ZFPM1: variants seen among roughly 807,000 people sequenced by gnomAD.
ZFPM1 encodes zinc finger protein ZFPM1.
In ZFPM1, 28 loss-of-function variants were observed where a neutral mutation model predicts 46.3. The ratio of observed to expected loss-of-function variants is 0.60; its 90% confidence interval spans 0.45 to 0.83. The LOEUF is 0.83. Ranked by LOEUF, ZFPM1 falls within the 40% of genes least tolerant of loss-of-function variation. ZFPM1 has a pLI of 0.00. For missense variants in ZFPM1, 1,878 were observed against 1,432.4 expected (o/e 1.31, Z -5.02); for synonymous variants, 957 against 675.9 (o/e 1.42, Z -6.45).
chr16:88,513,433 G>A (rs1334489098), intron 3 of ZFPM1: 1 of 152,308 alleles, frequency 6.6e-6, no homozygotes, highest in Non-Finnish European at 1.5e-5. Flanking sequence ...GCCCAATCGG[G>A]GCTCCAGGAA....
chr16:88,518,807 G>C (rs1045532095), intron 4 of ZFPM1, among the ~76,000 whole-genome samples: 4 of 149,710 alleles, frequency 2.7e-5, no homozygotes, highest in Non-Finnish European at 5.9e-5. Flanking sequence ...TGGGTGGGTG[G>C]ATGGGAGGGT....
chr16:88,460,162 C>T (rs1459189421), intron 1 of ZFPM1, among the ~76,000 whole-genome samples: 1 of 152,240 alleles, frequency 6.6e-6, no homozygotes, highest in East Asian at 2.0e-4. Context: ...CTGTGCCTGT[C>T]CACCTCCCCA....
intron 3 of ZFPM1, among the ~76,000 whole-genome samples, chr16:88,504,053 A>C (rs1036568579): frequency 6.6e-6 from 1 of 151,696 alleles, no homozygotes; most frequent in Non-Finnish European, 1.5e-5. Context: ...GGCTGGGTAG[A>C]TGGTCTCGCC....
At chr16:88,521,312 C>T (rs747693303) in intron 4 of ZFPM1, among the ~76,000 whole-genome samples, 2 of 151,640 alleles carry the variant, frequency 1.3e-5, no homozygotes, top group African/African-American at 2.4e-5. Context: ...GCCCAGCCTT[C>T]CCCTCCTATG....
chr16:88,520,878 TGGGA>T (rs1232987506), intron 4 of ZFPM1, among the ~76,000 whole-genome samples: 3 of 43,922 alleles, frequency 6.8e-5, no homozygotes, highest in African/African-American at 9.9e-5. Flanking sequence ...GACGGATGGA[TGGGA>T]GGGAGGGAGG....
intron 2 of ZFPM1, among the ~76,000 whole-genome samples, chr16:88,488,168 G>A (rs957664843): frequency 6.6e-5 from 10 of 152,230 alleles, no homozygotes; most frequent in Admixed American, 1.3e-4. Context: ...AGGTGCCGCC[G>A]GCAAGCTGCA....
intron 1 of ZFPM1, among the ~76,000 whole-genome samples, chr16:88,455,432 G>C (rs112640606): frequency 0.023 from 3,481 of 151,966 alleles, 124 homozygotes; most frequent in African/African-American, 0.08. Flanking sequence ...GACCCTCCCT[G>C]TCGCTCGCGG....
At chr16:88,465,094 C>G (rs1908074916) in intron 1 of ZFPM1, among the ~76,000 whole-genome samples, 1 of 152,188 alleles carries the variant, frequency 6.6e-6, no homozygotes, top group African/African-American at 2.4e-5. Flanking sequence ...GCCGTTTCTC[C>G]CAGCCTCTTT....
chr16:88,508,306 G>C (rs906712618), intron 3 of ZFPM1, among the ~76,000 whole-genome samples: 2 of 152,044 alleles, frequency 1.3e-5, no homozygotes, highest in African/African-American at 4.8e-5. Flanking sequence ...CAAAAAAAAA[G>C]AAAGAAAAGA....
rs1266494945 is a variant in ZFPM1, at chr16:88,501,666, G to A, written c.268+12513G>A. ...GGGCCATCGCGCAGGTGCTGGTGATGATAGAGATAGCGGGTGTGGGTGCAG... is the reference window on the plus strand; with the variant it reads ...GGGCCATCGCGCAGGTGCTGGTGATAATAGAGATAGCGGGTGTGGGTGCAG... On this transcript the variant is annotated intron_variant, in intron 3 of 9. Coordinates refer to ENST00000319555, the MANE Select transcript of ZFPM1 (RefSeq NM_153813.3). Among the ~76,000 whole-genome samples, 170 of 138,224 alleles carry A rather than the reference G, an allele frequency of 1.2e-3. 9 individuals are homozygous for A. The highest frequency in any genetic ancestry group is 3.0e-3 in the South Asian group (12 of 4,008). The allele number at this position is 138,224 out of a possible 152,430, so 90.7% of individuals were successfully genotyped here. A position where few individuals can be genotyped will look rare whatever the true frequency, so the allele number is the denominator to read the frequency against.
chr16:88,484,443 CT>C (rs1270918731), intron 1 of ZFPM1, among the ~76,000 whole-genome samples: 7 of 152,236 alleles, frequency 4.6e-5, no homozygotes, highest in South Asian at 4.1e-4. Flanking sequence ...ATCAGCTCCC[CT>C]GACACGTGAA....
In ZFPM1 at chr16:88,536,543, A is replaced by G. The variant is rs1447515937; in HGVS notation, c.*1564A>G. Reference sequence around the variant, plus strand: ...CCCAGCAGCCCTGGTGAGTGCAGGCAAAGAAGGCAGCGGCCTCTTGCCTCA... The same window carrying G: ...CCCAGCAGCCCTGGTGAGTGCAGGCGAAGAAGGCAGCGGCCTCTTGCCTCA... On this transcript the variant is annotated 3_prime_UTR_variant, in exon 10 of 10. Coordinates refer to ENST00000319555, the MANE Select transcript of ZFPM1 (RefSeq NM_153813.3). 1 of 152,180 alleles carries G rather than the reference A, an allele frequency of 6.6e-6. No homozygotes were observed. Among genetic ancestry groups the G allele is most frequent in the African/African-American group, 2.4e-5 (1 of 41,438 alleles). 9.4% of individuals were successfully genotyped at this position (152,180 alleles called of 1,614,324 possible).
At chr16:88,520,587 T>G (rs868155357) in intron 4 of ZFPM1, among the ~76,000 whole-genome samples, 1 of 115,636 alleles carries the variant, frequency 8.6e-6, no homozygotes, top group African/African-American at 3.4e-5. Context: ...GATGGATGGA[T>G]GGGAGGGTGA....
intron 1 of ZFPM1, among the ~76,000 whole-genome samples, chr16:88,473,421 G>A (rs1028160552): frequency 1.3e-5 from 2 of 152,228 alleles, no homozygotes; most frequent in Non-Finnish European, 1.5e-5. Flanking sequence ...TGGCCTTGAG[G>A]GCGGGGTGAG....
At position 88,523,099 on chromosome 16, in the gene ZFPM1, G is replaced by A. The variant is rs560927820; in HGVS notation, c.403-3715G>A. Among the ~76,000 whole-genome samples, 17 of 152,098 alleles carry A rather than the reference G, an allele frequency of 1.1e-4. No individual in the cohort carries two copies. The South Asian group carries it at 2.5e-3, about 22-fold the overall frequency. On this transcript the variant is annotated intron_variant, in intron 4 of 9. Transcript: ENST00000319555. The stretch of plus-strand genomic sequence containing the variant: ...TGCTTGCCTGTAATCCCAGCTACTC[G>A]GGAGGCTGAGGCAGGAGAATTGCTT...
chr16:88,520,795 A>G (rs1415705527), intron 4 of ZFPM1, among the ~76,000 whole-genome samples: 4 of 49,802 alleles, frequency 8.0e-5, no homozygotes, highest in Admixed American at 5.4e-4. Flanking sequence ...ATGGATGAAT[A>G]GATGGATGGG....
chr16:88,483,001 C>G (rs1909024577), intron 1 of ZFPM1, among the ~76,000 whole-genome samples: 1 of 152,192 alleles, frequency 6.6e-6, no homozygotes, highest in African/African-American at 2.4e-5. Flanking sequence ...CGGGTTGGGC[C>G]TCCTGTCCCA....
rs1908304664 is a variant in ZFPM1 at position 88,469,243 on chromosome 16, G to C, written c.40+15565G>C. On this transcript the variant is annotated intron_variant, in intron 1 of 9. Transcript: ENST00000319555. The surrounding 1 kb of genome is among the most constrained non-coding windows in gnomAD (Gnocchi z 4.3). ...AACCTCATTCTGCCAAGCTTCTGAA[G>C]TGCCGGCCGGGCCAGGGACGTGGCA... Among the ~76,000 whole-genome samples the C allele has an allele frequency of 6.6e-6, 1 of 152,192 alleles. No individual in the cohort carries two copies. The highest frequency in any genetic ancestry group is 1.5e-5 in the Non-Finnish European group (1 of 68,036).
At position 88,480,378 on chromosome 16, in the gene ZFPM1, G is replaced by T. The variant is rs1908877304; in HGVS notation, c.41-5561G>T. 6.6e-6 allele frequency among the ~76,000 whole-genome samples: 1 copy of T among 152,208 alleles called. No homozygotes were observed. The highest frequency in any genetic ancestry group is 2.4e-5 in the African/African-American group (1 of 41,454). ...GAAAGGAGCCAGCGAAAGCGAAGGA[G>T]GAAGAAGTGAGTGTGTGAGGGGACG... On this transcript the variant is annotated intron_variant, in intron 1 of 9. Transcript: ENST00000319555. The surrounding 1 kb of genome is among the most constrained non-coding windows in gnomAD (Gnocchi z 4.9).
Sources: gnomAD v4.1 joint callset for allele counts (sites outside exome capture counted in the v4.1 genomes callset) on GRCh38, gnomAD v4.1.1 for gene constraint, Gnocchi (gnomAD v3.1) non-coding constraint, MANE v1.5 for transcripts, NCBI Gene and HGNC (gene_info 2026-07-23, HGNC 2026-07-21) for gene names.